SPTBN5: variants seen among roughly 807,000 people sequenced by gnomAD.
The protein encoded by SPTBN5 is spectrin beta, non-erythrocytic 5.
Under a neutral mutation model 477.6 loss-of-function variants are expected in SPTBN5, and 513 were observed. The ratio of observed to expected loss-of-function variants is 1.07; its 90% CI spans 1.00 to 1.16. SPTBN5 has a LOEUF of 1.16. Among genes scored for constraint, SPTBN5 ranks in the 50% most tolerant of loss-of-function variants. The probability of loss-of-function intolerance (pLI) is 0.00; values close to 1 mark genes in which losing one functional copy is unlikely to be tolerated. For synonymous variants in SPTBN5, 2,169 were observed against 2,011.7 expected (o/e 1.08, Z -2.09); for missense variants, 5,062 against 4,731.8 (o/e 1.07, Z -2.05).
At chr15:41,875,712 T>G (rs1595488911) in intron 21 of SPTBN5, 90 bp from the exon 22 acceptor site, 1 of 1,359,268 alleles carries the variant, frequency 7.4e-7, no homozygotes, top group Admixed American at 2.3e-5. Flanking sequence ...GCAGTGGAGG[T>G]GAGGGGGTGA....
chr15:41,860,834 A>G (rs2066081016), intron 46 of SPTBN5, 76 bp from the exon 47 acceptor site: 1 of 1,347,918 alleles, frequency 7.4e-7, no homozygotes, highest in African/African-American at 1.5e-5. Context: ...TCCCACCTAG[A>G]ACCATCCTAC....
chr15:41,870,402 G>A (rs1309548273), intron 30 of SPTBN5, 44 bp downstream of exon 30: 20 of 1,608,802 alleles, frequency 1.2e-5, no homozygotes, highest in Non-Finnish European at 1.7e-5. Flanking sequence ...CGTGGGCACT[G>A]AGCCTGGAGT....
In SPTBN5 at chr15:41,874,480, T is replaced by TAGG. The variant is rs1222090756; in HGVS notation, c.4503-5_4503-3dup. ...AGATGCCCCTGCAGAAGCTCCAGCC[T>TAGG]AGGAGGAGGAGGAAGAGATTGGAGA... On this transcript the variant is annotated splice_region_variant and splice_polypyrimidine_tract_variant and intron_variant, in intron 23 of 67. Coordinates refer to ENST00000320955, the MANE Select transcript of SPTBN5 (RefSeq NM_016642.4). The TAGG allele has an allele frequency of 6.2e-6, 10 of 1,601,094 alleles. No individual in the cohort carries two copies. Among genetic ancestry groups the TAGG allele is most frequent in the Non-Finnish European group, 8.5e-6 (10 of 1,174,898 alleles).
intron 35 of SPTBN5, 144 bp downstream of exon 35, chr15:41,867,394 G>T: frequency 1.2e-6 from 1 of 840,622 alleles, no homozygotes; most frequent in Non-Finnish European, 1.9e-6. Context: ...CATACAACTT[G>T]CTCAGTCAAC....
In SPTBN5 at chr15:41,850,991, C is replaced by G. The variant is rs80355607; in HGVS notation, c.10836-52G>C. On this transcript the variant is annotated intron_variant, in intron 65 of 67. Transcript: ENST00000320955. ...TCCACTGTCCCTTTGGGGACCCCCA[C>G]GCCTCCAGCCCCCGCTGAGCCAGGT... The G allele has an allele frequency of 4.7e-3, 7,459 of 1,588,252 alleles. 326 individuals are homozygous for G. In the African/African-American group the frequency reaches 0.089, roughly 19 times the overall value.
intron 51 of SPTBN5, 85 bp from the exon 52 acceptor site, chr15:41,857,124 G>C: frequency 4.6e-6 from 7 of 1,517,732 alleles, no homozygotes; most frequent in Non-Finnish European, 6.2e-6. Flanking sequence ...TCACCCAGCT[G>C]TGGCCCTCAC....
At chr15:41,887,051 T>C (rs2067176119) in intron 6 of SPTBN5, among the ~76,000 whole-genome samples, 162 bp downstream of exon 6, 1 of 152,244 alleles carries the variant, frequency 6.6e-6, no homozygotes, top group Admixed American at 6.5e-5. Flanking sequence ...ACAAGGGCCT[T>C]CTGTTATCCA....
rs979734066 is a variant in SPTBN5, at chr15:41,853,698, GCC to G, written c.9862_9863del (p.Gly3288ProfsTer56). On this transcript the variant is annotated frameshift_variant, in exon 58 of 68. Transcript: ENST00000320955. LOFTEE classifies it high-confidence loss of function. ...LGQLHPAAPGGLAKVQEAWAT... is the reference protein window; with the variant it reads ...LGQLHPAAPGXLAKVQEAWAT... ...CCCAGGCCTCCTGCACCTTGGCCAGGCCCCCCGGAGCTGCAGGATGTAGCTGG... is the reference window on the plus strand; with the variant it reads ...CCCAGGCCTCCTGCACCTTGGCCAGGCCCCGGAGCTGCAGGATGTAGCTGG... 1 of 1,597,752 alleles carries G rather than the reference GCC, an allele frequency of 6.3e-7. No individual in the cohort carries two copies. Among genetic ancestry groups the G allele is most frequent in the South Asian group, 1.1e-5 (1 of 89,230 alleles).
In SPTBN5 at chr15:41,876,619, C is replaced by T. The variant is rs1279166003; in HGVS notation, c.3880G>A (p.Ala1294Thr). Residue 1294 changes from alanine to threonine, a missense_variant, in exon 20 of 68, where the codon GCA becomes ACA. Coordinates refer to ENST00000320955, the MANE Select transcript of SPTBN5 (RefSeq NM_016642.4). ...TVREQLQSIQAQWTRLQGRSE... is the reference protein window; with the variant it reads ...TVREQLQSIQTQWTRLQGRSE... ...CTCCCCTGGAGCCTGGTCCACTGTG[C>T]CTGGATACTCTGCAGCTGCTCTCTG... 6.2e-7 allele frequency: 1 copy of T among 1,603,352 alleles called. No homozygotes were observed. The highest frequency in any genetic ancestry group is 1.1e-5 in the South Asian group (1 of 89,410).
chr15:41,893,308 T>C lies in SPTBN5; in HGVS notation c.190A>G (p.Ile64Val). ...QMQEKTFTKWINNVFQCGQAG... is the reference protein window; with the variant it reads ...QMQEKTFTKWVNNVFQCGQAG... ...TGGCCGCACTGGAAGACGTTATTGA[T>C]CCACTTGGTGAAAGTCTTCTCCTGC... The change falls in exon 2 of 68, where the codon ATC becomes GTC. Residue 64 changes from isoleucine to valine, a missense_variant. Coordinates refer to ENST00000320955, the MANE Select transcript of SPTBN5 (RefSeq NM_016642.4). 1 of 1,613,990 alleles carries C rather than the reference T, an allele frequency of 6.2e-7. No individual in the cohort carries two copies. Among genetic ancestry groups the C allele is most frequent in the Non-Finnish European group, 8.5e-7 (1 of 1,179,890 alleles).
intron 6 of SPTBN5, among the ~76,000 whole-genome samples, chr15:41,886,934 G>A (rs939982322): frequency 1.1e-4 from 16 of 152,376 alleles, no homozygotes; most frequent in East Asian, 7.7e-4. Flanking sequence ...TTAATAGCCC[G>A]AGAGTCGGGA....
At position 41,853,669 on chromosome 15, in the gene SPTBN5, G is replaced by A; in HGVS notation, c.9893C>T (p.Thr3298Ile). ...TCGCTCCTGGGCCTTCGCCTGCAGG[G>A]TGGCCCAGGCCTCCTGCACCTTGGC... is the stretch of plus-strand genomic sequence containing the variant. ...GLAKVQEAWA[T>I]LQAKAQERGQ... is the part of the protein sequence containing the mutation. Residue 3298 changes from threonine to isoleucine, a missense_variant, in exon 58 of 68, where the codon ACC becomes ATC. Thr to Ile is a moderately conservative substitution (Grantham distance 89). Coordinates refer to ENST00000320955, the MANE Select transcript of SPTBN5 (RefSeq NM_016642.4). The A allele has an allele frequency of 1.2e-6, 2 of 1,600,406 alleles. No individual in the cohort carries two copies. Among genetic ancestry groups the A allele is most frequent in the Non-Finnish European group, 1.7e-6 (2 of 1,175,212 alleles).
At chr15:41,862,996 G>A (rs1595461329) in intron 41 of SPTBN5, 93 bp from the exon 42 acceptor site, 2 of 1,143,458 alleles carry the variant, frequency 1.7e-6, no homozygotes, top group South Asian at 1.3e-5. Flanking sequence ...TGTGTGCACA[G>A]CAAGTCCCCA....
chr15:41,855,440 G>T lies in SPTBN5; in HGVS notation c.9219-12C>A. On this transcript the variant is annotated splice_polypyrimidine_tract_variant and intron_variant, in intron 54 of 67. Coordinates refer to ENST00000320955, the MANE Select transcript of SPTBN5 (RefSeq NM_016642.4). ...CTAGCACCTTGGGGCTGTGGGAAGA[G>T]AGCGACAGTCTGGACTGCAGCCCTG... The T allele has an allele frequency of 6.3e-7, 1 of 1,599,726 alleles. No individual in the cohort carries two copies.
chr15:41,851,609 G>T (rs1330585372), intron 63 of SPTBN5, among the ~76,000 whole-genome samples, 170 bp downstream of exon 63: 1 of 150,710 alleles, frequency 6.6e-6, no homozygotes, highest in Non-Finnish European at 1.5e-5. Flanking sequence ...GGGGGCGGTG[G>T]CAGGAGCTGG....
chr15:41,880,442 C>A, intron 13 of SPTBN5, 130 bp from the exon 14 acceptor site: 1 of 963,930 alleles, frequency 1.0e-6, no homozygotes. Flanking sequence ...AGAGGGGGTC[C>A]CTGCCTCACT....
rs556608712 is a variant in SPTBN5 at position 41,867,583 on chromosome 15, G to T, written c.6267C>A (p.Arg2089=). The T allele has an allele frequency of 1.8e-5, 29 of 1,613,846 alleles. No individual in the cohort carries two copies. The highest frequency in any genetic ancestry group is 1.6e-4 in the Middle Eastern group (1 of 6,062). ...GAACCTTCAGGAAGACCTCGTGCTT[G>T]CGAATCAACTGCTCTACCTCTTCCA... The part of the protein sequence containing the change: ...SSVEEVEQLI[R]KHEVFLKVLT... The change falls in exon 35 of 68, where the codon CGC becomes CGA. Residue 2089 remains arginine, a synonymous_variant. Coordinates refer to ENST00000320955, the MANE Select transcript of SPTBN5 (RefSeq NM_016642.4).
In SPTBN5 at chr15:41,873,987, C is replaced by T; in HGVS notation, c.4748G>A (p.Gly1583Glu). The T allele has an allele frequency of 2.5e-6, 4 of 1,605,484 alleles. No homozygotes were observed. The highest frequency in any genetic ancestry group is 3.4e-6 in the Non-Finnish European group (4 of 1,179,780). Reference protein sequence around the residue: ...QGQVQRVLSSGRSLAASGHPQ... With the variant: ...QGQVQRVLSSERSLAASGHPQ... ...GTGCCCTGAGGCTGCCAGGCTCCGC[C>T]CAGAACTCAGCACCCGTTGCACCTG... The change falls in exon 25 of 68, where the codon GGG (glycine) becomes GAG (glutamate). Residue 1583 changes from glycine (G) to glutamate (E), a missense_variant. Gly to Glu is a moderately conservative substitution (Grantham distance 98). Transcript: ENST00000320955.
Position 41,867,003 on chromosome 15 carries a change from G to C in SPTBN5, c.6436C>G (p.His2146Asp). ...AAGCTGGCCATCAGCAGGGAGGCAT[G>C]CAGGGCGTGTCCCCGGCTCTCCGCC... Reference protein sequence around the residue: ...ELAESRGHALHASLLMASFTQ... With the variant: ...ELAESRGHALDASLLMASFTQ... Residue 2146 changes from histidine to aspartate, a missense_variant, in exon 36 of 68, where the codon CAT (histidine) becomes GAT (aspartate). By Grantham distance (81) the His-to-Asp change is moderately conservative. Coordinates refer to ENST00000320955, the MANE Select transcript of SPTBN5 (RefSeq NM_016642.4). 6.4e-7 allele frequency: 1 copy of C among 1,566,384 alleles called. No individual in the cohort carries two copies. The highest frequency in any genetic ancestry group is 8.7e-7 in the Non-Finnish European group (1 of 1,155,988).
Sources: gnomAD v4.1 joint callset for allele counts (sites outside exome capture counted in the v4.1 genomes callset) on GRCh38, gnomAD v4.1.1 for gene constraint, MANE v1.5 for transcripts, NCBI Gene and HGNC (gene_info 2026-07-23, HGNC 2026-07-21) for gene names.